Variants in HECTD4 observed in about 807,000 individuals in gnomAD.
The protein encoded by HECTD4 is HECT domain E3 ubiquitin protein ligase 4, also known as probable E3 ubiquitin-protein ligase HECTD4.
Under a neutral mutation model 471.5 loss-of-function variants are expected in HECTD4, and 114 were observed. That is an observed-to-expected ratio of 0.24 (90% CI 0.21 to 0.28). HECTD4 has a LOEUF of 0.28. HECTD4 is among the 10% of genes least tolerant of loss of function. The probability of loss-of-function intolerance (pLI) is 1.00; values close to 1 mark genes in which losing one functional copy is unlikely to be tolerated. For missense variants in HECTD4, 3,866 were observed against 5,651.5 expected (o/e 0.68, Z 10.13); for synonymous variants, 2,012 against 2,256.0 (o/e 0.89, Z 3.07).
chr12:112,176,456 G>C (rs1446870688), intron 65 of HECTD4, 140 bp downstream of exon 65: 6 of 637,786 alleles, frequency 9.4e-6, no homozygotes, highest in Non-Finnish European at 1.7e-5. Context: ...TGATACCCCA[G>C]GGAACCCAGA....
Position 112,200,792 on chromosome 12 carries a change from C to T in HECTD4, c.8413G>A (p.Glu2805Lys). Residue 2805 changes from glutamate (E) to lysine (K), a missense_variant, in exon 55 of 76, where the codon GAA becomes AAA. Physicochemically the swap from Glu to Lys is moderately conservative, Grantham distance 56. Around this residue, in one of 16 missense-constraint regions of HECTD4, gnomAD observed 266 missense variants for 441.6 expected, o/e 0.60. Transcript: ENST00000682272. ...GVVLDVDSVNELVQVETYLRS... is the reference protein window; with the variant it reads ...GVVLDVDSVNKLVQVETYLRS... ...AGGTACGTTTCTACCTGCACCAGTT[C>T]ATTCACCTACAATAGGAAAAGAAAA... 6.2e-7 allele frequency: 1 copy of T among 1,611,630 alleles called. No individual in the cohort carries two copies. The highest frequency in any genetic ancestry group is 8.5e-7 in the Non-Finnish European group (1 of 1,178,356).
At chr12:112,237,958 TG>T (rs1388051539) in intron 34 of HECTD4, among the ~76,000 whole-genome samples, 2 of 152,124 alleles carry the variant, frequency 1.3e-5, no homozygotes, top group African/African-American at 4.8e-5. Flanking sequence ...TTCTCCATGT[TG>T]GTCAGGCTGG....
At chr12:112,305,235 C>T (rs1363646408) in intron 7 of HECTD4, among the ~76,000 whole-genome samples, 1 of 152,162 alleles carries the variant, frequency 6.6e-6, no homozygotes, top group Non-Finnish European at 1.5e-5. Flanking sequence ...ATTTAAATAG[C>T]AACGTATGGC....
Position 112,184,280 on chromosome 12 carries a change from G to T in HECTD4, c.10686C>A (p.Ala3562=). 6.2e-7 allele frequency: 1 copy of T among 1,613,544 alleles called. No homozygotes were observed. Among genetic ancestry groups the T allele is most frequent in the South Asian group, 1.1e-5 (1 of 91,074 alleles). Residue 3562 remains alanine, a synonymous_variant, in exon 61 of 76, where the codon GCC becomes GCA. Transcript: ENST00000682272. The surrounding 1 kb of genome is among the most constrained non-coding windows in gnomAD (Gnocchi z 9.1). The part of the protein sequence containing the change: ...LGEPLDNAET[A]SVSDMGSMYT... ...ACATGGAGCCCATGTCCGACACCGAGGCCGTCTCTGCATTGTCCAGGGGCT... is the reference window on the plus strand; with the variant it reads ...ACATGGAGCCCATGTCCGACACCGATGCCGTCTCTGCATTGTCCAGGGGCT...
In HECTD4 at chr12:112,167,438, G is replaced by A. The variant is rs1566057724; in HGVS notation, c.12413C>T (p.Pro4138Leu). 1.2e-6 allele frequency: 2 copies of A among 1,613,636 alleles called. No homozygotes were observed. Among genetic ancestry groups the A allele is most frequent in the Non-Finnish European group, 1.7e-6 (2 of 1,179,758 alleles). Residue 4138 changes from proline (P) to leucine (L), a missense_variant, in exon 72 of 76, where the codon CCG (proline) becomes CTG (leucine). Physicochemically the swap from Pro to Leu is moderately conservative, Grantham distance 98. Coordinates refer to ENST00000682272, the MANE Select transcript of HECTD4 (RefSeq NM_001388303.1). Reference sequence around the variant, plus strand: ...GGAGGGCAGGAGGTCCAGGGGCAGCGGGACGTCTGCCCGAATTGCAATCCC... The same window carrying A: ...GGAGGGCAGGAGGTCCAGGGGCAGCAGGACGTCTGCCCGAATTGCAATCCC... The part of the protein sequence containing the change: ...LLGIAIRADV[P>L]LPLDLLPSFW...
At chr12:112,337,815 T>C (rs1339232674) in intron 1 of HECTD4, among the ~76,000 whole-genome samples, 1 of 152,224 alleles carries the variant, frequency 6.6e-6, no homozygotes, top group East Asian at 1.9e-4. Flanking sequence ...GCACTAGTTT[T>C]ACAGAATTGC....
At chr12:112,227,675 G>A (rs2033277147) in intron 43 of HECTD4, among the ~76,000 whole-genome samples, 1 of 151,820 alleles carries the variant, frequency 6.6e-6, no homozygotes, top group Admixed American at 6.6e-5. Flanking sequence ...TTTCGCTCTT[G>A]TTGCCCAGGC....
At chr12:112,323,971 TTCCTTCCTTCCTTC>T (rs2035653382) in intron 1 of HECTD4, among the ~76,000 whole-genome samples, 3 of 27,492 alleles carry the variant, frequency 1.1e-4, no homozygotes, top group South Asian at 2.4e-3. Context: ...TCTTTCTTCC[TTCCTTCCTTCCTTC>T]CTTCCTTCCT....
At chr12:112,269,170 G>A (rs1036059010) in intron 13 of HECTD4, among the ~76,000 whole-genome samples, 1 of 152,130 alleles carries the variant, frequency 6.6e-6, no homozygotes, top group Admixed American at 6.5e-5. Flanking sequence ...ACCGCGCCCG[G>A]CCCTGAAAAG....
intron 52 of HECTD4, among the ~76,000 whole-genome samples, chr12:112,204,948 C>G (rs1249244328): frequency 6.6e-6 from 1 of 151,816 alleles, no homozygotes; most frequent in Non-Finnish European, 1.5e-5. Flanking sequence ...GCCTGACCAA[C>G]ATGGTGAAAC....
intron 69 of HECTD4, 118 bp from the exon 70 acceptor site, chr12:112,169,776 C>G: frequency 8.5e-7 from 1 of 1,173,788 alleles, no homozygotes; most frequent in Non-Finnish European, 1.2e-6. Flanking sequence ...TGCTCCCTCG[C>G]TCGGCCCCCT....
intron 7 of HECTD4, among the ~76,000 whole-genome samples, chr12:112,294,094 G>T (rs2034954280): frequency 6.6e-6 from 1 of 151,592 alleles, no homozygotes. Flanking sequence ...GAGAGATGAG[G>T]TCTCACTTTA....
At position 112,319,294 on chromosome 12, in the gene HECTD4, G is replaced by A. The variant is rs1344744788; in HGVS notation, c.626C>T (p.Thr209Ile). 2.0e-6 allele frequency: 3 copies of A among 1,536,176 alleles called. No individual in the cohort carries two copies. The Admixed American group carries it at 5.9e-5, about 30-fold the overall frequency. Reference protein sequence around the residue: ...LCSWLEETSDTGRHIPHKQKE... With the variant: ...LCSWLEETSDIGRHIPHKQKE... ...TTGCTTATGTGGGATGTGTCGGCCTGTGTCAGAAGTCTCCTCTAGCCAAGA... is the reference window on the plus strand; with the variant it reads ...TTGCTTATGTGGGATGTGTCGGCCTATGTCAGAAGTCTCCTCTAGCCAAGA... The change falls in exon 2 of 76, where the codon ACA becomes ATA. Residue 209 changes from threonine to isoleucine, a missense_variant. Thr to Ile is a moderately conservative substitution (Grantham distance 89). This residue lies in a region of HECTD4 where 440 missense variants were observed against 636.0 expected (regional missense o/e 0.69). Transcript: ENST00000682272. This position sits in a 1 kb window ranked among gnomAD's most constrained non-coding sequence, Gnocchi z 5.3.
intron 1 of HECTD4, among the ~76,000 whole-genome samples, chr12:112,355,712 G>A (rs550479240): frequency 1.3e-5 from 2 of 150,116 alleles, no homozygotes; most frequent in South Asian, 2.1e-4. Context: ...TGCAGTGAGC[G>A]GAGGTCGCAC....
rs2135779213 is a variant in HECTD4, at chr12:112,382,231, G to A, written c.-103C>T. 2.0e-6 allele frequency: 2 copies of A among 998,318 alleles called. No homozygotes were observed. The highest frequency in any genetic ancestry group is 3.6e-5 in the East Asian group (1 of 27,574). 61.8% of individuals were successfully genotyped at this position (998,318 alleles called of 1,614,324 possible). A position where few individuals can be genotyped will look rare whatever the true frequency, so the allele number is the denominator to read the frequency against. ...GTCCATGGCAGCGGCCGCCGCGCCC[G>A]CCAGCGGCGCCCCACTTGCTGCCTC... On this transcript the variant is annotated 5_prime_UTR_variant, in exon 1 of 76. Coordinates refer to ENST00000682272, the MANE Select transcript of HECTD4 (RefSeq NM_001388303.1).
chr12:112,286,216 G>T (rs2034749230), intron 7 of HECTD4, among the ~76,000 whole-genome samples: 1 of 152,178 alleles, frequency 6.6e-6, no homozygotes, highest in Admixed American at 6.5e-5. Context: ...AAGACAGGAA[G>T]AGCTGGGAGG....
chr12:112,344,989 G>A lies in HECTD4; in HGVS notation c.178-25247C>T, dbSNP rs530366103. 5.1e-4 allele frequency among the ~76,000 whole-genome samples: 77 copies of A among 150,544 alleles called. 1 individual carries two copies. The South Asian group carries it at 0.014, about 28-fold the overall frequency. On this transcript the variant is annotated intron_variant, in intron 1 of 75. Coordinates refer to ENST00000682272, the MANE Select transcript of HECTD4 (RefSeq NM_001388303.1). ...AGATAAGATCAGGCTGGGTACAGAGGTGCATGCCTGTCCCAGCACTTTGGG... is the reference window on the plus strand; with the variant it reads ...AGATAAGATCAGGCTGGGTACAGAGATGCATGCCTGTCCCAGCACTTTGGG...
At chr12:112,252,775 A>G (rs1335281929) in intron 22 of HECTD4, among the ~76,000 whole-genome samples, 1 of 152,070 alleles carries the variant, frequency 6.6e-6, no homozygotes, top group East Asian at 1.9e-4. Context: ...CCCATTAGCA[A>G]GATCAAGGTA....
chr12:112,277,984 G>A (rs746700331), intron 9 of HECTD4, among the ~76,000 whole-genome samples: 9 of 151,942 alleles, frequency 5.9e-5, no homozygotes, highest in Non-Finnish European at 1.0e-4. Context: ...GATTTTATTC[G>A]TAGCTCAGCC....
Sources: allele counts gnomAD v4.1 joint callset (sites outside exome capture counted in the v4.1 genomes callset), GRCh38; gene constraint gnomAD v4.1.1; regional missense constraint gnomAD v4.1.1; non-coding constraint Gnocchi (gnomAD v3.1); transcripts MANE v1.5; gene names NCBI Gene and HGNC (gene_info 2026-07-23, HGNC 2026-07-21).